The following RAPGEF1 variants were observed in gnomAD, a reference collection of about 807,000 sequenced individuals.
The protein encoded by RAPGEF1 is Rap guanine nucleotide exchange factor 1.
Under a neutral mutation model 143.3 loss-of-function variants are expected in RAPGEF1, and 33 were observed. The ratio of observed to expected loss-of-function variants is 0.23; its 90% CI spans 0.17 to 0.31. RAPGEF1 has a LOEUF of 0.31. RAPGEF1 is among the 10% of genes least tolerant of loss of function. The pLI is 1.00. For synonymous variants in RAPGEF1, 629 were observed against 676.5 expected (o/e 0.93, Z 1.09); for missense variants, 1,199 against 1,645.4 (o/e 0.73, Z 4.69).
Position 131,667,432 on chromosome 9 carries a change from C to T in RAPGEF1, c.62-16483G>A, listed in dbSNP as rs1830616169. Among the ~76,000 whole-genome samples, 1 of 152,186 alleles carries T rather than the reference C, an allele frequency of 6.6e-6. No individual in the cohort carries two copies. The highest frequency in any genetic ancestry group is 2.4e-5 in the African/African-American group (1 of 41,428). On this transcript the variant is annotated intron_variant, in intron 1 of 26. Coordinates refer to ENST00000683357, the MANE Select transcript of RAPGEF1 (RefSeq NM_001377935.1). This position sits in a 1 kb window ranked among gnomAD's most constrained non-coding sequence, Gnocchi z 4.6. ...CCCTCTTCCTACACGGAGGTACTGC[C>T]CATTTCCTCCTCCACAGTACCTGGT...
At chr9:131,692,537 A>ACAGAGAGTTCACC (rs1184140285) in intron 1 of RAPGEF1, among the ~76,000 whole-genome samples, 2 of 152,214 alleles carry the variant, frequency 1.3e-5, no homozygotes, top group African/African-American at 4.8e-5. Flanking sequence ...TATGTGGGCC[A>ACAGAGAGTTCACC]CAGAGAGTTC....
chr9:131,659,190 T>A (rs544761930), intron 1 of RAPGEF1, among the ~76,000 whole-genome samples: 1 of 152,204 alleles, frequency 6.6e-6, no homozygotes, highest in Non-Finnish European at 1.5e-5. Flanking sequence ...TTGAGGACAT[T>A]AGGAAAAGCT....
Position 131,650,076 on chromosome 9 carries a change from G to A in RAPGEF1, c.315+53C>T, listed in dbSNP as rs1369896696. 4 of 1,424,146 alleles carry A rather than the reference G, an allele frequency of 2.8e-6. No homozygotes were observed. Among genetic ancestry groups the A allele is most frequent in the South Asian group, 2.4e-5 (2 of 82,286 alleles). The allele number at this position is 1,424,146 out of a possible 1,614,324, so 88.2% of individuals were successfully genotyped here. On this transcript the variant is annotated intron_variant, in intron 3 of 26. Transcript: ENST00000683357. The surrounding 1 kb of genome is among the most constrained non-coding windows in gnomAD (Gnocchi z 4.7). ...TTCCATCCCCAAAACCATGGACCAG[G>A]ATTCTGCAGTAGAAGGCAAGGCAAA...
Position 131,628,524 on chromosome 9 carries a change from A to T in RAPGEF1, c.1017+25T>A. On this transcript the variant is annotated intron_variant, in intron 8 of 26. Transcript: ENST00000683357. The surrounding 1 kb of genome is among the most constrained non-coding windows in gnomAD (Gnocchi z 5.7). ...CCCCCCACCCCCTCCCTGCCTTCCC[A>T]TGCAGGGAACAGGGGCTGCATTACC... 6.2e-7 allele frequency: 1 copy of T among 1,605,410 alleles called. No individual in the cohort carries two copies. Among genetic ancestry groups the T allele is most frequent in the Non-Finnish European group, 8.5e-7 (1 of 1,173,266 alleles).
At chr9:131,662,684 A>G (rs889982825) in intron 1 of RAPGEF1, among the ~76,000 whole-genome samples, 1 of 151,864 alleles carries the variant, frequency 6.6e-6, no homozygotes, top group African/African-American at 2.4e-5. Context: ...GATTACAAGC[A>G]TGAATCACCA....
chr9:131,620,028 T>C (rs753883776), intron 11 of RAPGEF1, among the ~76,000 whole-genome samples: 2 of 152,124 alleles, frequency 1.3e-5, no homozygotes, highest in East Asian at 1.9e-4. Flanking sequence ...GCAGGGACCA[T>C]GTAGAGCCAG....
intron 11 of RAPGEF1, among the ~76,000 whole-genome samples, chr9:131,619,465 G>C (rs1395227840): frequency 6.6e-6 from 1 of 152,218 alleles, no homozygotes; most frequent in Non-Finnish European, 1.5e-5. Context: ...GGTGGAAGGA[G>C]GACGAGGGGG....
chr9:131,604,979 A>C lies in RAPGEF1; in HGVS notation c.2271T>G (p.Phe757Leu), dbSNP rs936187460. The change falls in exon 13 of 27, where the codon TTT (phenylalanine) becomes TTG (leucine). Residue 757 changes from phenylalanine (F) to leucine (L), a missense_variant. Phe to Leu is a conservative substitution (Grantham distance 22, BLOSUM62 0). Around this residue, in one of 6 missense-constraint regions of RAPGEF1, gnomAD observed 293 missense variants for 356.2 expected, o/e 0.82. Transcript: ENST00000683357. ...AAGGAAGGCAGACAGTATTCCCATG[A>C]AAGCTGCTCTCCTGAGAAGCCGAGA... ...GPLSASQESS[F>L]HGNTVCLPSE... The C allele has an allele frequency of 7.5e-7, 1 of 1,331,708 alleles. No homozygotes were observed. Among genetic ancestry groups the C allele is most frequent in the Non-Finnish European group, 1.0e-6 (1 of 1,004,622 alleles). The allele number at this position is 1,331,708 out of a possible 1,614,324, so 82.5% of individuals were successfully genotyped here.
At chr9:131,679,523 G>A (rs1832734482) in intron 1 of RAPGEF1, among the ~76,000 whole-genome samples, 1 of 152,218 alleles carries the variant, frequency 6.6e-6, no homozygotes, top group Admixed American at 6.5e-5. Flanking sequence ...ATAAGTACCA[G>A]TAACAACTTG....
At position 131,611,575 on chromosome 9, in the gene RAPGEF1, G is replaced by A. The variant is rs62581414; in HGVS notation, c.2062-6387C>T. ...TCTAGGATGCTCTGTAATTCACTAA[G>A]TGTTGATCTGAATAACATCAACCCT... On this transcript the variant is annotated intron_variant, in intron 12 of 26. Coordinates refer to ENST00000683357, the MANE Select transcript of RAPGEF1 (RefSeq NM_001377935.1). Among the ~76,000 whole-genome samples the A allele has an allele frequency of 7.4e-3, 1,128 of 152,282 alleles. 8 individuals are homozygous for A. The highest frequency in any genetic ancestry group is 0.011 in the Non-Finnish European group (779 of 68,032).
At chr9:131,689,909 G>A (rs922906002) in intron 1 of RAPGEF1, among the ~76,000 whole-genome samples, 2 of 152,204 alleles carry the variant, frequency 1.3e-5, no homozygotes, top group African/African-American at 2.4e-5. Context: ...TTCTAAATAA[G>A]TTAAAATACT....
chr9:131,648,843 C>T (rs1970355135), intron 3 of RAPGEF1, among the ~76,000 whole-genome samples: 1 of 152,116 alleles, frequency 6.6e-6, no homozygotes, highest in Non-Finnish European at 1.5e-5. Flanking sequence ...CAACATAAAA[C>T]CCAAAAATAG....
At chr9:131,580,680 A>G (rs1280403429) in intron 25 of RAPGEF1, among the ~76,000 whole-genome samples, 2 of 152,096 alleles carry the variant, frequency 1.3e-5, no homozygotes, top group Non-Finnish European at 2.9e-5. Context: ...GTGGGCTGCT[A>G]AAGTAACATT....
intron 12 of RAPGEF1, among the ~76,000 whole-genome samples, chr9:131,608,009 C>T (rs375608965): frequency 6.6e-6 from 1 of 152,242 alleles, no homozygotes; most frequent in Non-Finnish European, 1.5e-5. Flanking sequence ...TTCCGGGAGA[C>T]GGCACAGGGC....
At chr9:131,599,397 A>C (rs1035478531) in intron 15 of RAPGEF1, among the ~76,000 whole-genome samples, 6 of 150,372 alleles carry the variant, frequency 4.0e-5, no homozygotes, top group Non-Finnish European at 7.4e-5. Flanking sequence ...TTAAGATTAT[A>C]AGCATGAGCC....
chr9:131,629,078 C>T lies in RAPGEF1; in HGVS notation c.893+24G>A, dbSNP rs766971230. On this transcript the variant is annotated intron_variant, in intron 7 of 26. Coordinates refer to ENST00000683357, the MANE Select transcript of RAPGEF1 (RefSeq NM_001377935.1). ...CTTTCTCATTCTGCCATGGGAGGCACTGGACAAATAGGAAGGTAATTACCT... is the reference window on the plus strand; with the variant it reads ...CTTTCTCATTCTGCCATGGGAGGCATTGGACAAATAGGAAGGTAATTACCT... 20 of 1,605,782 alleles carry T rather than the reference C, an allele frequency of 1.2e-5. 1 individual carries two copies. The highest frequency in any genetic ancestry group is 1.7e-5 in the Non-Finnish European group (20 of 1,175,092).
At chr9:131,712,168 G>T (rs546453902) in intron 1 of RAPGEF1, among the ~76,000 whole-genome samples, 2 of 152,228 alleles carry the variant, frequency 1.3e-5, no homozygotes, top group East Asian at 3.9e-4. Flanking sequence ...CACAGAGCCC[G>T]CAAGCTCCTC....
chr9:131,735,659 C>T (rs112460789), intron 1 of RAPGEF1, among the ~76,000 whole-genome samples: 3,744 of 151,610 alleles, frequency 0.025, 118 homozygotes, highest in African/African-American at 0.075. Flanking sequence ...ATCATTTCTC[C>T]GAGGAGGGGA....
intron 1 of RAPGEF1, among the ~76,000 whole-genome samples, chr9:131,653,201 G>A (rs1275071064): frequency 6.6e-6 from 1 of 152,192 alleles, no homozygotes; most frequent in Non-Finnish European, 1.5e-5. Context: ...TGGAATATTT[G>A]TGTATGACAC....
Sources: allele counts gnomAD v4.1 joint callset (sites outside exome capture counted in the v4.1 genomes callset), GRCh38; gene constraint gnomAD v4.1.1; regional missense constraint gnomAD v4.1.1; non-coding constraint Gnocchi (gnomAD v3.1); transcripts MANE v1.5; gene names NCBI Gene and HGNC (gene_info 2026-07-23, HGNC 2026-07-21).